Variants in CDH23 observed in about 807,000 individuals in gnomAD.
CDH23 encodes cadherin related 23.
Under a neutral mutation model 317.1 loss-of-function variants are expected in CDH23, and 189 were observed. The ratio of observed to expected loss-of-function variants is 0.60; its 90% CI spans 0.53 to 0.67. The LOEUF is 0.67. Among genes scored for constraint, CDH23 ranks in the 30% least tolerant of loss-of-function variants. The pLI is 0.00. For missense variants in CDH23, 4,401 were observed against 4,592.4 expected (o/e 0.96, Z 1.20); for synonymous variants, 1,839 against 1,876.8 (o/e 0.98, Z 0.52).
chr10:71,613,551 G>A (rs1006320356), intron 9 of CDH23, among the ~76,000 whole-genome samples: 1 of 152,212 alleles, frequency 6.6e-6, no homozygotes, highest in Admixed American at 6.5e-5. Context: ...GTGGCCACTA[G>A]CCACTAACTT....
At chr10:71,519,989 G>C (rs1291458346) in intron 6 of CDH23, among the ~76,000 whole-genome samples, 1 of 151,998 alleles carries the variant, frequency 6.6e-6, no homozygotes, top group Non-Finnish European at 1.5e-5. Flanking sequence ...CCAGCATTTT[G>C]TAGAGACAGG....
rs770990654 is a variant in CDH23 at position 71,690,589 on chromosome 10, GC to G, written c.2176+12del. 23 of 1,574,440 alleles carry G rather than the reference GC, an allele frequency of 1.5e-5. No individual in the cohort carries two copies. Among genetic ancestry groups the G allele is most frequent in the African/African-American group, 4.1e-5 (3 of 73,942 alleles). Reference sequence around the variant, plus strand: ...TTCGGATCAATGCCCGCTCAGGTGAGCCCCCCCACCCCAAGTACCCTGGTCC... The same window carrying G: ...TTCGGATCAATGCCCGCTCAGGTGAGCCCCCCACCCCAAGTACCCTGGTCC... On this transcript the variant is annotated splice_donor_region_variant and intron_variant, in intron 20 of 69. Coordinates refer to ENST00000224721, the MANE Select transcript of CDH23 (RefSeq NM_022124.6).
intron 1 of CDH23, among the ~76,000 whole-genome samples, chr10:71,409,439 G>A (rs1481988968): frequency 6.6e-6 from 1 of 152,146 alleles, no homozygotes. Flanking sequence ...CAAACCCAAG[G>A]AAAAACTTGT....
chr10:71,634,715 C>T (rs1862179406), intron 11 of CDH23, among the ~76,000 whole-genome samples: 1 of 152,230 alleles, frequency 6.6e-6, no homozygotes, highest in Non-Finnish European at 1.5e-5. Flanking sequence ...AGAACTCAGG[C>T]CACATAAATC....
intron 35 of CDH23, 133 bp from the exon 36 acceptor site, chr10:71,739,511 C>A: frequency 9.3e-7 from 1 of 1,079,276 alleles, no homozygotes; most frequent in Non-Finnish European, 1.3e-6. Context: ...CTGCTTAAAA[C>A]ACTGCACTCC....
intron 41 of CDH23, among the ~76,000 whole-genome samples, chr10:71,780,868 A>G (rs1206461933): frequency 6.6e-6 from 1 of 152,120 alleles, no homozygotes; most frequent in Non-Finnish European, 1.5e-5. Flanking sequence ...CCAAAGGGAA[A>G]GAGGTGGCCA....
At chr10:71,769,309 C>T (rs887158686) in intron 38 of CDH23, among the ~76,000 whole-genome samples, 2 of 152,016 alleles carry the variant, frequency 1.3e-5, no homozygotes, top group African/African-American at 4.8e-5. Flanking sequence ...AGACTCCGAG[C>T]CTTCCCAGGC....
At chr10:71,769,675 A>G (rs192304313) in intron 38 of CDH23, among the ~76,000 whole-genome samples, 3 of 152,314 alleles carry the variant, frequency 2.0e-5, no homozygotes, top group Non-Finnish European at 2.9e-5. Context: ...TTGTGTTCCC[A>G]TGATGAGTGA....
At position 71,809,809 on chromosome 10, in the gene CDH23, G is replaced by A; in HGVS notation, c.8723-11G>A. ...TCTCTGAGCCGTACCCCGCCTTTGG[G>A]CTTCCTGCAGGGAGCATGGACGGCA... is the stretch of plus-strand genomic sequence containing the variant. On this transcript the variant is annotated splice_polypyrimidine_tract_variant and intron_variant, in intron 60 of 69. Transcript: ENST00000224721. The A allele has an allele frequency of 6.2e-7, 1 of 1,608,006 alleles. No homozygotes were observed. Among genetic ancestry groups the A allele is most frequent in the Non-Finnish European group, 8.5e-7 (1 of 1,176,298 alleles).
Position 71,803,348 on chromosome 10 carries a change from G to A in CDH23, c.7800G>A (p.Glu2600=), listed in dbSNP as rs1455212262. The A allele has an allele frequency of 1.9e-6, 3 of 1,598,162 alleles. No individual in the cohort carries two copies. In the Admixed American group the frequency reaches 5.2e-5, roughly 27 times the overall value. Reference sequence around the variant, plus strand: ...GGGGCACCACCATGCTCCTGGTGGAGGTCATCGACGTCAATGACAACCGCC... The same window carrying A: ...GGGGCACCACCATGCTCCTGGTGGAAGTCATCGACGTCAATGACAACCGCC... ...PLWGTTMLLV[E]VIDVNDNRPV... Residue 2600 remains glutamate (E), a synonymous_variant, in exon 55 of 70, where the codon GAG becomes GAA. Coordinates refer to ENST00000224721, the MANE Select transcript of CDH23 (RefSeq NM_022124.6).
intron 3 of CDH23, among the ~76,000 whole-genome samples, chr10:71,456,603 C>T (rs1022733503): frequency 2.6e-5 from 4 of 152,174 alleles, no homozygotes; most frequent in African/African-American, 4.8e-5. Context: ...TGCCACCTGT[C>T]GTGTGAGCAT....
intron 9 of CDH23, among the ~76,000 whole-genome samples, chr10:71,599,116 G>C (rs750355661): frequency 1.3e-5 from 2 of 151,892 alleles, no homozygotes; most frequent in Non-Finnish European, 2.9e-5. Flanking sequence ...ATTTAGAAAA[G>C]TACAGAAACC....
At chr10:71,730,289 G>A (rs894777098) in intron 30 of CDH23, among the ~76,000 whole-genome samples, 180 bp from the exon 31 acceptor site, 4 of 152,284 alleles carry the variant, frequency 2.6e-5, no homozygotes, top group African/African-American at 4.8e-5. Flanking sequence ...CCTGCCACGC[G>A]CCAGGTGCTG....
rs554597140 is a variant in CDH23 at position 71,645,790 on chromosome 10, T to A, written c.1141-41T>A. 8.6e-5 allele frequency: 138 copies of A among 1,602,654 alleles called. No homozygotes were observed. In the South Asian group the frequency reaches 1.3e-3, roughly 15 times the overall value. On this transcript the variant is annotated intron_variant, in intron 12 of 69. Transcript: ENST00000224721. Reference sequence around the variant, plus strand: ...CCATTTGGGTCTAGGCTTTGGCCACTGTGCCCTTCCTGACTGGCTTCTTCT... The same window carrying A: ...CCATTTGGGTCTAGGCTTTGGCCACAGTGCCCTTCCTGACTGGCTTCTTCT...
Position 71,785,710 on chromosome 10 carries a change from A to C in CDH23, c.5792A>C (p.Asn1931Thr), listed in dbSNP as rs1158906469. 6.2e-7 allele frequency: 1 copy of C among 1,607,744 alleles called. No homozygotes were observed. The highest frequency in any genetic ancestry group is 1.7e-5 in the Admixed American group (1 of 59,468). Residue 1931 changes from asparagine to threonine, a missense_variant, in exon 44 of 70, where the codon AAC (asparagine) becomes ACC (threonine). Transcript: ENST00000224721. ...EYKLTISVKDNPENPRIARRD... is the reference protein window; with the variant it reads ...EYKLTISVKDTPENPRIARRD... ...AAGCTGACCATTTCTGTGAAGGACA[A>C]CCCGGAGAATCCACGCATAGCCAGG...
chr10:71,661,110 G>A (rs1863629468), intron 14 of CDH23, among the ~76,000 whole-genome samples: 3 of 152,204 alleles, frequency 2.0e-5, no homozygotes, highest in African/African-American at 7.2e-5. Flanking sequence ...TCTGCAAGAT[G>A]CCAAAATTCT....
At chr10:71,429,794 G>A (rs1172671156) in intron 1 of CDH23, among the ~76,000 whole-genome samples, 2 of 152,220 alleles carry the variant, frequency 1.3e-5, no homozygotes, top group Non-Finnish European at 1.5e-5. Flanking sequence ...AAATTTTAGA[G>A]ACACATGCTG....
chr10:71,477,111 G>T (rs1386443897), intron 3 of CDH23, among the ~76,000 whole-genome samples: 1 of 152,182 alleles, frequency 6.6e-6, no homozygotes, highest in Non-Finnish European at 1.5e-5. Context: ...ACGCTCCTGG[G>T]CAGTTCCTGC....
rs113730381 is a variant in CDH23, at chr10:71,803,074, G to A, written c.7659G>A (p.Val2553=). ...CCTACTCACTTGAGGGCCCTGGCGT[G>A]GGTATGTGGCCTTCCTTGGACACCC... The part of the protein sequence containing the change: ...ELTYSLEGPG[V]EAFHVDMDSG... The change falls in exon 54 of 70, where the codon GTG becomes GTA. Residue 2553 remains valine, a splice_region_variant and synonymous_variant. Transcript: ENST00000224721. The A allele has an allele frequency of 1.9e-6, 3 of 1,608,432 alleles. No individual in the cohort carries two copies. Among genetic ancestry groups the A allele is most frequent in the African/African-American group, 2.7e-5 (2 of 74,956 alleles).
Sources: gnomAD v4.1 joint callset for allele counts (sites outside exome capture counted in the v4.1 genomes callset) on GRCh38, gnomAD v4.1.1 for gene constraint, MANE v1.5 for transcripts, NCBI Gene and HGNC (gene_info 2026-07-23, HGNC 2026-07-21) for gene names.